The following CCDC141 variants were observed in gnomAD, a reference collection of about 807,000 sequenced individuals.
CCDC141 encodes coiled-coil domain containing 141, also known as coiled-coil domain-containing protein 141.
A neutral mutation model predicts 181.0 loss-of-function variants in CCDC141; 168 were observed. That is an observed-to-expected ratio of 0.93 (90% CI 0.82 to 1.05). The LOEUF (loss-of-function observed/expected upper bound fraction) is 1.05, where lower values mean the gene tolerates loss of function less well. Ranked by LOEUF, CCDC141 falls within the 50% of genes least tolerant of loss-of-function variation. The pLI, the probability that CCDC141 is intolerant of heterozygous loss-of-function variation, is 0.00. For synonymous variants in CCDC141, 666 were observed against 642.3 expected (o/e 1.04, Z -0.56); for missense variants, 1,902 against 1,788.5 (o/e 1.06, Z -1.14).
intron 10 of CCDC141, among the ~76,000 whole-genome samples, chr2:178,886,421 C>T (rs1038523686): frequency 1.6e-4 from 24 of 152,148 alleles, no homozygotes; most frequent in Non-Finnish European, 2.2e-4. Flanking sequence ...AAAAAAATTG[C>T]CAATAGTCAG....
intron 4 of CCDC141, among the ~76,000 whole-genome samples, chr2:178,966,392 C>T (rs2154379489): frequency 6.6e-6 from 1 of 152,244 alleles, no homozygotes; most frequent in South Asian, 2.1e-4. Flanking sequence ...TAGCAGGTGC[C>T]CCTCTGGGAT....
At chr2:178,990,274 G>T (rs148134869) in intron 2 of CCDC141, among the ~76,000 whole-genome samples, 1 of 151,060 alleles carries the variant, frequency 6.6e-6, no homozygotes, top group Non-Finnish European at 1.5e-5. Context: ...AAACATGTTG[G>T]CATTTCCTCA....
chr2:178,963,345 C>T (rs1463644261), intron 4 of CCDC141, among the ~76,000 whole-genome samples: 1 of 152,034 alleles, frequency 6.6e-6, no homozygotes, highest in Non-Finnish European at 1.5e-5. Context: ...ATCTTTGAGA[C>T]ATTTGTTATT....
intron 2 of CCDC141, among the ~76,000 whole-genome samples, chr2:178,991,626 T>C (rs1043497496): frequency 2.6e-5 from 4 of 152,040 alleles, no homozygotes; most frequent in South Asian, 2.1e-4. Flanking sequence ...TGTTTGATAG[T>C]AGAGTGACTA....
At chr2:178,996,321 G>A (rs771530852) in intron 2 of CCDC141, among the ~76,000 whole-genome samples, 10 of 151,998 alleles carry the variant, frequency 6.6e-5, no homozygotes, top group Admixed American at 2.6e-4. Flanking sequence ...CAGGTGATCC[G>A]TCTGCCTTGG....
chr2:178,841,870 C>A (rs1053079553), intron 22 of CCDC141, among the ~76,000 whole-genome samples: 1 of 152,038 alleles, frequency 6.6e-6, no homozygotes, highest in Non-Finnish European at 1.5e-5. Context: ...TGGCTTCAGG[C>A]GATCTACCCG....
At chr2:178,866,732 GT>G (rs999665171) in intron 16 of CCDC141, among the ~76,000 whole-genome samples, 3 of 151,542 alleles carry the variant, frequency 2.0e-5, no homozygotes, top group African/African-American at 4.9e-5. Flanking sequence ...GTTTTGTTTT[GT>G]TTTTTTGAGA....
chr2:178,997,604 G>A (rs1692345545), intron 2 of CCDC141, among the ~76,000 whole-genome samples: 1 of 152,156 alleles, frequency 6.6e-6, no homozygotes, highest in Admixed American at 6.5e-5. Flanking sequence ...CGTGTGTGTA[G>A]TAGTGATTGG....
intron 3 of CCDC141, among the ~76,000 whole-genome samples, chr2:178,978,129 C>A (rs1366240919): frequency 1.3e-5 from 2 of 152,122 alleles, no homozygotes; most frequent in East Asian, 3.9e-4. Context: ...CACTCTAGAC[C>A]AGCATTTCTT....
At chr2:179,022,524 TC>T in intron 2 of CCDC141, among the ~76,000 whole-genome samples, 1 of 152,294 alleles carries the variant, frequency 6.6e-6, no homozygotes, top group Non-Finnish European at 1.5e-5. Context: ...CGCCACTTAT[TC>T]CCACAACCTT....
chr2:178,834,881 T>C (rs964331126), intron 23 of CCDC141, among the ~76,000 whole-genome samples: 1 of 151,530 alleles, frequency 6.6e-6, no homozygotes, highest in African/African-American at 2.4e-5. Flanking sequence ...CAAGCAGAAG[T>C]TGGCAACTGG....
chr2:178,915,173 C>A (rs1470663272), intron 7 of CCDC141, among the ~76,000 whole-genome samples: 1 of 150,838 alleles, frequency 6.6e-6, no homozygotes, highest in Non-Finnish European at 1.5e-5. Flanking sequence ...CCTGTCCCCA[C>A]CCCCTGAAAA....
chr2:178,924,265 C>T (rs1444133001), intron 6 of CCDC141, among the ~76,000 whole-genome samples: 1 of 152,318 alleles, frequency 6.6e-6, no homozygotes, highest in African/African-American at 2.4e-5. Context: ...CTGGGAGAAG[C>T]ATGTGTTGAG....
intron 6 of CCDC141, among the ~76,000 whole-genome samples, chr2:178,941,029 G>T (rs1689488270): frequency 6.6e-6 from 1 of 152,130 alleles, no homozygotes; most frequent in Non-Finnish European, 1.5e-5. Context: ...CTATTTTTCT[G>T]TCATGACCAT....
chr2:178,895,752 T>C (rs1354518234), intron 8 of CCDC141, among the ~76,000 whole-genome samples: 1 of 152,212 alleles, frequency 6.6e-6, no homozygotes, highest in Non-Finnish European at 1.5e-5. Flanking sequence ...ACATTTACCA[T>C]CTAAATGCAT....
intron 5 of CCDC141, among the ~76,000 whole-genome samples, chr2:178,953,801 T>G (rs1690052646): frequency 6.6e-6 from 1 of 152,200 alleles, no homozygotes; most frequent in Admixed American, 6.5e-5. Context: ...TTCTAAATCC[T>G]AGTTAGAAGG....
intron 7 of CCDC141, among the ~76,000 whole-genome samples, chr2:178,914,146 C>T (rs548397654): frequency 6.6e-6 from 1 of 152,184 alleles, no homozygotes; most frequent in South Asian, 2.1e-4. Context: ...TTTGGAGGAT[C>T]GAGATGAGTT....
At chr2:178,980,796 A>G (rs538314888) in intron 2 of CCDC141, among the ~76,000 whole-genome samples, 1 of 152,346 alleles carries the variant, frequency 6.6e-6, no homozygotes, top group African/African-American at 2.4e-5. Flanking sequence ...ATTATTTTGC[A>G]ATGTATACAT....
chr2:178,844,567 G>A (rs565187338), intron 22 of CCDC141, among the ~76,000 whole-genome samples: 2 of 152,210 alleles, frequency 1.3e-5, no homozygotes, highest in East Asian at 1.9e-4. Flanking sequence ...GGTTTAAGTC[G>A]CTCAAGACCC....
Sources: allele counts gnomAD v4.1 joint callset (sites outside exome capture counted in the v4.1 genomes callset), GRCh38; gene constraint gnomAD v4.1.1; transcripts MANE v1.5; gene names NCBI Gene and HGNC (gene_info 2026-07-23, HGNC 2026-07-21).